Variants in THOC5 observed in about 807,000 individuals in gnomAD.
The protein encoded by THOC5 is THO complex subunit 5.
In THOC5, 43 loss-of-function variants were observed where a neutral mutation model predicts 92.9. The observed-to-expected ratio is 0.46, with a 90% CI of 0.36 to 0.60. The LOEUF is 0.60. THOC5 is among the 20% of genes least tolerant of loss of function. The pLI, the probability that THOC5 is intolerant of heterozygous loss-of-function variation, is 0.00. For synonymous variants in THOC5, 296 were observed against 320.1 expected, an observed-to-expected ratio of 0.92 and a Z score of 0.80; for missense variants, 659 against 849.4, an observed-to-expected ratio of 0.78 and a Z score of 2.79.
At chr22:29,541,491 A>T (rs1458508670) in intron 5 of THOC5, among the ~76,000 whole-genome samples, 3 of 138,438 alleles carry the variant, frequency 2.2e-5, no homozygotes, top group Non-Finnish European at 3.1e-5. Flanking sequence ...GGGTGACAGG[A>T]GTGAGACCCT....
intron 17 of THOC5, among the ~76,000 whole-genome samples, chr22:29,515,308 C>T (rs988000890): frequency 6.6e-6 from 1 of 152,180 alleles, no homozygotes; most frequent in African/African-American, 2.4e-5. Flanking sequence ...TCCCAGAATG[C>T]TGGGATTATA....
intron 19 of THOC5, among the ~76,000 whole-genome samples, chr22:29,510,211 A>G (rs1323719503): frequency 6.6e-6 from 1 of 152,184 alleles, no homozygotes; most frequent in African/African-American, 2.4e-5. Flanking sequence ...AACTGCTGGC[A>G]TTTTCCGAGT....
intron 1 of THOC5, among the ~76,000 whole-genome samples, chr22:29,553,097 A>G (rs569244272): frequency 9.7e-4 from 148 of 151,946 alleles, no homozygotes; most frequent in Non-Finnish European, 1.7e-3. Context: ...GGACACAAAC[A>G]CTGCGGAAGG....
intron 1 of THOC5, among the ~76,000 whole-genome samples, chr22:29,552,855 G>T (rs1289931605): frequency 6.6e-6 from 1 of 151,646 alleles, no homozygotes. Flanking sequence ...TCTGTGTGGA[G>T]AGAGGTGGAC....
chr22:29,539,492 T>C lies in THOC5; in HGVS notation c.453-16A>G. On this transcript the variant is annotated splice_polypyrimidine_tract_variant and intron_variant, in intron 5 of 19. Transcript: ENST00000490103. ...ATGCTTTGACCTACAGACAAAAACATGACATCAAGCTGCTGTTCTCAGGAA... is the reference window on the plus strand; with the variant it reads ...ATGCTTTGACCTACAGACAAAAACACGACATCAAGCTGCTGTTCTCAGGAA... 6.2e-7 allele frequency: 1 copy of C among 1,609,018 alleles called. No homozygotes were observed. The highest frequency in any genetic ancestry group is 8.5e-7 in the Non-Finnish European group (1 of 1,178,064).
chr22:29,523,475 A>T (rs996953827), intron 12 of THOC5, among the ~76,000 whole-genome samples: 3 of 152,154 alleles, frequency 2.0e-5, no homozygotes, highest in Admixed American at 2.0e-4. Context: ...ACCTAATCTG[A>T]TCAAGTCTCT....
At chr22:29,537,895 A>AAAAT (rs955276785) in intron 6 of THOC5, among the ~76,000 whole-genome samples, 3 of 152,230 alleles carry the variant, frequency 2.0e-5, no homozygotes, top group Non-Finnish European at 4.4e-5. Flanking sequence ...CTGTGTCAAA[A>AAAAT]AAATAAATAA....
At chr22:29,528,377 C>G (rs376879166) in intron 10 of THOC5, 49 bp downstream of exon 10, 207 of 1,613,950 alleles carry the variant, frequency 1.3e-4, no homozygotes, top group Non-Finnish European at 1.7e-4. Context: ...CAAGCATGCC[C>G]CAGTGCATGC....
At chr22:29,544,626 T>C (rs1170744671) in intron 2 of THOC5, 23 bp from the exon 3 acceptor site, 1 of 1,571,866 alleles carries the variant, frequency 6.4e-7, no homozygotes, top group East Asian at 2.3e-5. Flanking sequence ...GGATAAAGGC[T>C]CTGTGTGCAT....
chr22:29,551,459 G>A (rs2064142113), intron 1 of THOC5, among the ~76,000 whole-genome samples: 1 of 152,032 alleles, frequency 6.6e-6, no homozygotes, highest in Non-Finnish European at 1.5e-5. Context: ...AAGTGACTGG[G>A]CCCAACACCA....
intron 8 of THOC5, 112 bp from the exon 9 acceptor site, chr22:29,529,351 G>A: frequency 8.8e-7 from 1 of 1,139,254 alleles, no homozygotes; most frequent in Non-Finnish European, 1.3e-6. Context: ...GCTCCTTGCT[G>A]ACTAAGGGTG....
At position 29,544,413 on chromosome 22, in the gene THOC5, T is replaced by C. The variant is rs570757455; in HGVS notation, c.240+47A>G. ...CCTGGTAGGTGCAAAAACAGCCTCA[T>C]CTATGTAAACCCACCAGGTTCACGG... On this transcript the variant is annotated intron_variant, in intron 3 of 19. Coordinates refer to ENST00000490103, the MANE Select transcript of THOC5 (RefSeq NM_003678.5). 24 of 1,587,094 alleles carry C rather than the reference T, an allele frequency of 1.5e-5. No homozygotes were observed. The East Asian group carries it at 4.8e-4, about 32-fold the overall frequency.
Position 29,536,605 on chromosome 22 carries a change from A to T in THOC5, c.714+19T>A. The T allele has an allele frequency of 6.5e-7, 1 of 1,528,728 alleles. No homozygotes were observed. Among genetic ancestry groups the T allele is most frequent in the Non-Finnish European group, 9.1e-7 (1 of 1,102,152 alleles). 94.7% of individuals were successfully genotyped at this position (1,528,728 alleles called of 1,614,324 possible). The stretch of plus-strand genomic sequence containing the variant: ...CCTGGTCAGTGGTGAAGGCAAAGCA[A>T]AAGGCCAGAGGGCCCCACCTGCATG... On this transcript the variant is annotated intron_variant, in intron 7 of 19. Transcript: ENST00000490103.
chr22:29,530,795 C>T (rs1028437427), intron 8 of THOC5, among the ~76,000 whole-genome samples: 1 of 152,232 alleles, frequency 6.6e-6, no homozygotes, highest in Non-Finnish European at 1.5e-5. Flanking sequence ...AGGCCACCAC[C>T]GTCCAACTCC....
intron 5 of THOC5, among the ~76,000 whole-genome samples, chr22:29,542,109 T>C (rs2063909397): frequency 6.6e-6 from 1 of 151,752 alleles, no homozygotes; most frequent in Non-Finnish European, 1.5e-5. Flanking sequence ...TGTAGTTTCT[T>C]CACCTGAAGG....
At chr22:29,521,278 A>G (rs962632050) in intron 12 of THOC5, among the ~76,000 whole-genome samples, 179 bp from the exon 13 acceptor site, 1 of 152,154 alleles carries the variant, frequency 6.6e-6, no homozygotes, top group South Asian at 2.1e-4. Context: ...TTACAACCCT[A>G]TGAGGGAGGA....
At position 29,506,184 on chromosome 22, in the gene THOC5, G is replaced by A. The variant is rs1011227170; in HGVS notation, c.*2273C>T. 2.0e-5 allele frequency: 3 copies of A among 152,146 alleles called. No homozygotes were observed. Among genetic ancestry groups the A allele is most frequent in the Non-Finnish European group, 4.4e-5 (3 of 68,036 alleles). 9.4% of individuals were successfully genotyped at this position (152,146 alleles called of 1,614,324 possible). On this transcript the variant is annotated 3_prime_UTR_variant, in exon 20 of 20. Coordinates refer to ENST00000490103, the MANE Select transcript of THOC5 (RefSeq NM_003678.5). ...ATCTTATTTTTTAAAATGAAGAATG[G>A]AGTACTGATGGTGGGGTCAAGATAC... is the stretch of plus-strand genomic sequence containing the variant.
chr22:29,537,336 C>T (rs1241660111), intron 6 of THOC5, among the ~76,000 whole-genome samples: 1 of 152,158 alleles, frequency 6.6e-6, no homozygotes, highest in African/African-American at 2.4e-5. Context: ...GACACTGACA[C>T]AAATTTCCTA....
intron 6 of THOC5, among the ~76,000 whole-genome samples, 183 bp from the exon 7 acceptor site, chr22:29,536,921 T>C (rs1346558028): frequency 6.6e-6 from 1 of 152,212 alleles, no homozygotes; most frequent in Non-Finnish European, 1.5e-5. Context: ...TTAATACTTA[T>C]AAAGACCCTG....
Sources: gnomAD v4.1 joint callset for allele counts (sites outside exome capture counted in the v4.1 genomes callset) on GRCh38, gnomAD v4.1.1 for gene constraint, MANE v1.5 for transcripts, NCBI Gene and HGNC (gene_info 2026-07-23, HGNC 2026-07-21) for gene names.